BBS7: variants seen among roughly 807,000 people sequenced by gnomAD.
BBS7 encodes Bardet-Biedl syndrome 7.
In BBS7, 50 loss-of-function variants were observed where a neutral mutation model predicts 90.3. That is an observed-to-expected ratio of 0.55 (90% CI 0.44 to 0.70). The LOEUF (loss-of-function observed/expected upper bound fraction) is 0.70, where lower values mean the gene tolerates loss of function less well. Ranked by LOEUF, BBS7 falls within the 30% of genes least tolerant of loss-of-function variation. The pLI is 0.00. For synonymous variants in BBS7, 235 were observed against 287.4 expected, an observed-to-expected ratio of 0.82 and a Z score of 1.85; for missense variants, 729 against 838.9, an observed-to-expected ratio of 0.87 and a Z score of 1.62.
chr4:121,825,653 T>C lies in BBS7; in HGVS notation c.*207A>G. The C allele has an allele frequency of 2.1e-6, 1 of 466,460 alleles. No individual in the cohort carries two copies. Among genetic ancestry groups the C allele is most frequent in the Non-Finnish European group, 3.7e-6 (1 of 273,720 alleles). The allele number at this position is 466,460 out of a possible 1,614,324, so 28.9% of individuals were successfully genotyped here. On this transcript the variant is annotated 3_prime_UTR_variant, in exon 19 of 19. Coordinates refer to ENST00000264499, the MANE Select transcript of BBS7 (RefSeq NM_176824.3). ...TATTTAAATCATTCTACTTGTGTTT[T>C]AAAAATAAAAAGACTCTTTTAGTTT... is the stretch of plus-strand genomic sequence containing the variant.
intron 8 of BBS7, among the ~76,000 whole-genome samples, chr4:121,850,111 T>A (rs899690073): frequency 6.6e-6 from 1 of 151,692 alleles, no homozygotes; most frequent in Non-Finnish European, 1.5e-5. Context: ...GAATCTGTAT[T>A]TTTTTTTATT....
chr4:121,868,023 A>C lies in BBS7; in HGVS notation c.60T>G (p.Thr20=). The C allele has an allele frequency of 6.2e-7, 1 of 1,613,614 alleles. No individual in the cohort carries two copies. The highest frequency in any genetic ancestry group is 1.1e-5 in the South Asian group (1 of 91,084). Residue 20 remains threonine, a synonymous_variant, in exon 2 of 19, where the codon ACT becomes ACG. Transcript: ENST00000264499. ...GTCTTGAGGCAGGAATTAGCTTCAT[A>C]GTCTTCTGAGATGTTACTCCCACCT... ...YLQVGVTSQK[T]MKLIPASRHR... is the part of the protein sequence containing the mutation.
intron 12 of BBS7, 87 bp from the exon 13 acceptor site, chr4:121,839,783 T>TTGCTTGAGCACCAATGACAGG: frequency 8.4e-7 from 1 of 1,186,766 alleles, no homozygotes; most frequent in Non-Finnish European, 1.2e-6. Flanking sequence ...TGGTTACCAT[T>TTGCTTGAGCACCAATGACAGG]TGCTTAAGCA....
chr4:121,836,956 T>C (rs575394002), intron 13 of BBS7, among the ~76,000 whole-genome samples: 1 of 145,002 alleles, frequency 6.9e-6, no homozygotes, highest in Non-Finnish European at 1.5e-5. Context: ...TTCTGTGTTT[T>C]GGGTTTTTTT....
chr4:121,863,251 A>T lies in BBS7; in HGVS notation c.131T>A (p.Val44Asp). Residue 44 changes from valine to aspartate, a missense_variant, in exon 3 of 19, where the codon GTT (valine) becomes GAT (aspartate). Val to Asp is a radical substitution (Grantham distance 152). Transcript: ENST00000264499. ...KVVIGDHDGVVMCFGMKKGEA... is the reference protein window; with the variant it reads ...KVVIGDHDGVDMCFGMKKGEA... ...TCCTTTCTTCATGCCAAAGCACATA[A>T]CTACCCCATCATGATCTCCAATAAC... is the stretch of plus-strand genomic sequence containing the variant. 6.2e-7 allele frequency: 1 copy of T among 1,613,908 alleles called. No individual in the cohort carries two copies. The highest frequency in any genetic ancestry group is 8.5e-7 in the Non-Finnish European group (1 of 1,179,878).
chr4:121,859,665 G>A (rs1726872412), intron 4 of BBS7, among the ~76,000 whole-genome samples: 1 of 152,040 alleles, frequency 6.6e-6, no homozygotes, highest in Non-Finnish European at 1.5e-5. Flanking sequence ...AGATTAGACT[G>A]CAACTCAGTT....
chr4:121,832,009 A>AAACACACACACACAC (rs1553930919), intron 15 of BBS7, among the ~76,000 whole-genome samples: 1 of 142,768 alleles, frequency 7.0e-6, no homozygotes, highest in African/African-American at 2.7e-5. Context: ...AAAAAACAAA[A>AAACACACACACACAC]ACACACACAC....
intron 15 of BBS7, among the ~76,000 whole-genome samples, chr4:121,831,885 T>C (rs1231008577): frequency 6.6e-6 from 1 of 152,172 alleles, no homozygotes; most frequent in Admixed American, 6.5e-5. Context: ...TTTACCATGC[T>C]AAGTTTTTAG....
intron 5 of BBS7, among the ~76,000 whole-genome samples, chr4:121,857,209 G>A (rs1726726446): frequency 6.7e-6 from 1 of 149,136 alleles, no homozygotes; most frequent in Non-Finnish European, 1.5e-5. Flanking sequence ...CCGCAGCCTC[G>A]ACCTTCTGGG....
At chr4:121,865,529 A>G (rs544623866) in intron 2 of BBS7, among the ~76,000 whole-genome samples, 201 of 152,270 alleles carry the variant, frequency 1.3e-3, no homozygotes, top group Non-Finnish European at 2.5e-3. Flanking sequence ...GTGAGTCACC[A>G]TGCCTGGCCA....
chr4:121,831,562 G>T (rs1342443338), intron 15 of BBS7, among the ~76,000 whole-genome samples: 1 of 152,030 alleles, frequency 6.6e-6, no homozygotes, highest in African/African-American at 2.4e-5. Flanking sequence ...AAGAGCAAAG[G>T]TCTGCTATTA....
rs1174272391 is a variant in BBS7 at position 121,827,856 on chromosome 4, C to T, written c.2014+290G>A. ...CTAAGCTCTAAAGGTTCATAGATTA[C>T]ATTCATTTTATACCAGGTTTGTTCA... On this transcript the variant is annotated intron_variant, in intron 18 of 18. Coordinates refer to ENST00000264499, the MANE Select transcript of BBS7 (RefSeq NM_176824.3). 5 of 1,055,006 alleles carry T rather than the reference C, an allele frequency of 4.7e-6. No homozygotes were observed. In the African/African-American group the frequency reaches 6.7e-5, roughly 14 times the overall value. The allele number at this position is 1,055,006 out of a possible 1,614,324, so 65.4% of individuals were successfully genotyped here.
intron 5 of BBS7, chr4:121,858,610 T>C (rs961179050): frequency 1.5e-4 from 32 of 215,744 alleles, no homozygotes; most frequent in Admixed American, 3.8e-4. Context: ...ACTCAAGTTA[T>C]ATAACATCCT....
At chr4:121,836,696 T>C (rs1380718617) in intron 13 of BBS7, among the ~76,000 whole-genome samples, 4 of 152,222 alleles carry the variant, frequency 2.6e-5, no homozygotes, top group Non-Finnish European at 5.9e-5. Flanking sequence ...ACTGCTATTT[T>C]ATTGCCATTA....
intron 15 of BBS7, among the ~76,000 whole-genome samples, chr4:121,830,409 T>TA (rs897208623): frequency 4.6e-5 from 7 of 150,796 alleles, no homozygotes; most frequent in Admixed American, 6.6e-5. Context: ...TCAAAACAAA[T>TA]AAAAAAAAAG....
In BBS7 at chr4:121,854,712, T is replaced by C. The variant is rs1475525357; in HGVS notation, c.710A>G (p.Lys237Arg). The change falls in exon 7 of 19, where the codon AAG becomes AGG. Residue 237 changes from lysine (K) to arginine (R), a missense_variant. Physicochemically the swap from Lys to Arg is conservative, Grantham distance 26. Coordinates refer to ENST00000264499, the MANE Select transcript of BBS7 (RefSeq NM_176824.3). ...CTACATGAAAAGCATACCTCCTCTC[T>C]TTTTCTCATTTTGAATTTCCCACTT... ...VRKWEIQNEK[K>R]RGGILCIDSF... 2 of 1,611,542 alleles carry C rather than the reference T, an allele frequency of 1.2e-6. No homozygotes were observed. Among genetic ancestry groups the C allele is most frequent in the East Asian group, 4.5e-5 (2 of 44,684 alleles).
At position 121,858,992 on chromosome 4, in the gene BBS7, C is replaced by G; in HGVS notation, c.528G>C (p.Gln176His). The G allele has an allele frequency of 2.5e-6, 4 of 1,612,770 alleles. No homozygotes were observed. Among genetic ancestry groups the G allele is most frequent in the African/African-American group, 1.3e-5 (1 of 74,948 alleles). Residue 176 changes from glutamine (Q) to histidine (H), a missense_variant and splice_region_variant, in exon 5 of 19, where the codon CAG becomes CAC. Physicochemically the swap from Gln to His is conservative, Grantham distance 24 (BLOSUM62 0). Transcript: ENST00000264499. The part of the protein sequence containing the change: ...ACQDRVLRVL[Q>H]GSDVMYAVEV... ...TTAGAAAAATACAAATAACAGCAAC[C>G]TGTAAAACTCTGAGCACTCTGTCCT...
intron 6 of BBS7, among the ~76,000 whole-genome samples, chr4:121,855,195 G>A (rs931156418): frequency 6.6e-6 from 1 of 151,890 alleles, no homozygotes; most frequent in African/African-American, 2.4e-5. Flanking sequence ...TGCGCCTGTA[G>A]TACTAGGGAG....
At position 121,865,486 on chromosome 4, in the gene BBS7, G is replaced by A. The variant is rs188797523; in HGVS notation, c.103-2207C>T. ...ACTGCTGACCTCAGGTGATCCGCCC[G>A]CCTCAGCCTCCCAAAGTGCTGGGAT... On this transcript the variant is annotated intron_variant, in intron 2 of 18. Transcript: ENST00000264499. Among the ~76,000 whole-genome samples, 28 of 152,212 alleles carry A rather than the reference G, an allele frequency of 1.8e-4. No individual in the cohort carries two copies. The East Asian group carries it at 5.2e-3, about 28-fold the overall frequency.
Sources: gnomAD v4.1 joint callset for allele counts (sites outside exome capture counted in the v4.1 genomes callset) on GRCh38, gnomAD v4.1.1 for gene constraint, MANE v1.5 for transcripts, NCBI Gene and HGNC (gene_info 2026-07-23, HGNC 2026-07-21) for gene names.